The following MYPN variants were observed in gnomAD, a reference collection of about 807,000 sequenced individuals.
MYPN encodes the protein myopalladin, also known as sarcomeric protein myopalladin, 145 kDa (MYOP).
Under a neutral mutation model 129.4 loss-of-function variants are expected in MYPN, and 63 were observed. That is an observed-to-expected ratio of 0.49 (90% CI 0.40 to 0.60). The LOEUF is 0.60. Ranked by LOEUF, MYPN falls within the 20% of genes least tolerant of loss-of-function variation. The probability of loss-of-function intolerance (pLI) is 0.00; values close to 1 mark genes in which losing one functional copy is unlikely to be tolerated. For synonymous variants in MYPN, 629 were observed against 600.9 expected (o/e 1.05, Z -0.68); for missense variants, 1,596 against 1,635.4 (o/e 0.98, Z 0.42).
intron 17 of MYPN, among the ~76,000 whole-genome samples, chr10:68,200,984 A>T (rs779925873): frequency 1.1e-4 from 16 of 152,188 alleles, no homozygotes; most frequent in Non-Finnish European, 2.4e-4. Flanking sequence ...GACATGAGGT[A>T]CCTTTACCTA....
At chr10:68,139,139 G>C (rs184292712) in intron 2 of MYPN, among the ~76,000 whole-genome samples, 2 of 152,024 alleles carry the variant, frequency 1.3e-5, no homozygotes, top group Admixed American at 6.6e-5. Flanking sequence ...CCTTCATTCC[G>C]GGACATTCAC....
intron 13 of MYPN, among the ~76,000 whole-genome samples, chr10:68,193,801 A>C (rs939894834): frequency 2.8e-5 from 2 of 71,662 alleles, no homozygotes; most frequent in Non-Finnish European, 6.4e-5. Context: ...GTATGTGCAC[A>C]CACACACACA....
intron 6 of MYPN, among the ~76,000 whole-genome samples, chr10:68,153,800 T>C (rs1353907001): frequency 2.0e-5 from 3 of 152,192 alleles, no homozygotes; most frequent in Non-Finnish European, 4.4e-5. Context: ...TATTTGCATA[T>C]GTTTGTTTGG....
At position 68,122,209 on chromosome 10, in the gene MYPN, A is replaced by G; in HGVS notation, c.771A>G (p.Ser257=). 1.2e-6 allele frequency: 2 copies of G among 1,608,500 alleles called. No individual in the cohort carries two copies. The highest frequency in any genetic ancestry group is 1.7e-6 in the Non-Finnish European group (2 of 1,177,270). The change falls in exon 2 of 20, where the codon TCA becomes TCG. Residue 257 remains serine (S), a synonymous_variant. Transcript: ENST00000358913. ...ACACTACACCAGGGTCTTCCCCTTC[A>G]TCTCTGTACTATGAAGAACCTCTGG... ...GGDTTPGSSP[S]SLYYEEPLGQ... is the part of the protein sequence containing the mutation.
At position 68,130,751 on chromosome 10, in the gene MYPN, T is replaced by G. The variant is rs7070146; in HGVS notation, c.902+8411T>G. The stretch of plus-strand genomic sequence containing the variant: ...TCTTGTATTTTGTCTTCTAAAAATT[T>G]TGTAATTTTGTCTTTCACATTTAAG... On this transcript the variant is annotated intron_variant, in intron 2 of 19. Coordinates refer to ENST00000358913, the MANE Select transcript of MYPN (RefSeq NM_032578.4). 2.3e-3 allele frequency among the ~76,000 whole-genome samples: 350 copies of G among 152,330 alleles called. 5 individuals are homozygous for G. Among genetic ancestry groups the G allele is most frequent in the African/African-American group, 7.8e-3 (325 of 41,582 alleles).
At chr10:68,163,086 T>C (rs2087345) in intron 8 of MYPN, among the ~76,000 whole-genome samples, 61,331 of 151,924 alleles carry the variant, frequency 0.4, 14,215 homozygotes, top group Non-Finnish European at 0.52. Context: ...CTTGAGCACA[T>C]GAGTTAAAGA....
chr10:68,119,525 C>T (rs1023779195), intron 1 of MYPN, among the ~76,000 whole-genome samples: 6 of 152,016 alleles, frequency 3.9e-5, no homozygotes, highest in African/African-American at 1.4e-4. Context: ...ATTATCCTGT[C>T]TCAGCCTCCT....
chr10:68,133,519 G>A (rs189242471), intron 2 of MYPN, among the ~76,000 whole-genome samples: 13 of 152,100 alleles, frequency 8.5e-5, no homozygotes, highest in Admixed American at 5.9e-4. Flanking sequence ...AAGCTTCATT[G>A]GTTTCATGGT....
At chr10:68,191,004 T>C (rs920263140) in intron 13 of MYPN, among the ~76,000 whole-genome samples, 1 of 152,110 alleles carries the variant, frequency 6.6e-6, no homozygotes, top group African/African-American at 2.4e-5. Context: ...TATAAATACA[T>C]GGATTTATTT....
chr10:68,209,653 A>G (rs1272450387), intron 19 of MYPN, among the ~76,000 whole-genome samples: 1 of 138,510 alleles, frequency 7.2e-6, no homozygotes, highest in African/African-American at 2.7e-5. Flanking sequence ...CCACTCTTCC[A>G]TCTTATAGAA....
chr10:68,173,574 TTTTATTTA>T (rs10688159), intron 10 of MYPN, among the ~76,000 whole-genome samples: 18,092 of 140,610 alleles, frequency 0.13, 1,249 homozygotes, highest in African/African-American at 0.16. Context: ...CATCAAGTTA[TTTTATTTA>T]TTTATTTATT....
At chr10:68,134,693 G>C (rs954207840) in intron 2 of MYPN, among the ~76,000 whole-genome samples, 3 of 152,076 alleles carry the variant, frequency 2.0e-5, no homozygotes, top group African/African-American at 7.2e-5. Flanking sequence ...TACTCTGAAG[G>C]CTGAGGCAGG....
intron 12 of MYPN, among the ~76,000 whole-genome samples, chr10:68,183,401 G>C (rs1471474106): frequency 6.6e-6 from 1 of 152,052 alleles, no homozygotes; most frequent in African/African-American, 2.4e-5. Flanking sequence ...GGCAAAGTTT[G>C]CAAGGAGCCA....
At chr10:68,111,724 A>T (rs1432259280) in intron 1 of MYPN, among the ~76,000 whole-genome samples, 1 of 152,224 alleles carries the variant, frequency 6.6e-6, no homozygotes, top group Non-Finnish European at 1.5e-5. Flanking sequence ...CTCAGAGTTC[A>T]TGTATAACCA....
intron 13 of MYPN, among the ~76,000 whole-genome samples, chr10:68,193,727 C>T (rs2043554187): frequency 6.8e-6 from 1 of 146,682 alleles, no homozygotes; most frequent in Non-Finnish European, 1.5e-5. Context: ...CACTTTATCT[C>T]CTCTGTCTTT....
At chr10:68,165,362 G>A (rs1164290135) in intron 8 of MYPN, 1 of 422,546 alleles carries the variant, frequency 2.4e-6, no homozygotes, top group Non-Finnish European at 4.6e-6. Flanking sequence ...TGAGGTAGGA[G>A]AATCGCTTGA....
intron 2 of MYPN, among the ~76,000 whole-genome samples, chr10:68,131,389 A>AG (rs2042409425): frequency 7.2e-6 from 1 of 139,088 alleles, no homozygotes; most frequent in Non-Finnish European, 1.6e-5. Context: ...ACTGTGTCTC[A>AG]AAAAAAAAAA....
rs138301639 is a variant in MYPN at position 68,139,532 on chromosome 10, A to G, written c.903-3408A>G. On this transcript the variant is annotated intron_variant, in intron 2 of 19. Coordinates refer to ENST00000358913, the MANE Select transcript of MYPN (RefSeq NM_032578.4). ...TCAGGAGGGGAGTAAAGATAAACAT[A>G]TGTGCTCCATATGTCTTGTTTAATC... Among the ~76,000 whole-genome samples, 19 of 152,270 alleles carry G rather than the reference A, an allele frequency of 1.2e-4. No homozygotes were observed. In the East Asian group the frequency reaches 2.9e-3, roughly 23 times the overall value.
intron 2 of MYPN, among the ~76,000 whole-genome samples, chr10:68,127,541 GTCAGGCTGGTCT>G (rs1225202954): frequency 6.6e-6 from 1 of 150,660 alleles, no homozygotes; most frequent in Non-Finnish European, 1.5e-5. Flanking sequence ...CACCATGTTG[GTCAGGCTGGTCT>G]TGAACTCCTG....
Sources: allele counts gnomAD v4.1 joint callset (sites outside exome capture counted in the v4.1 genomes callset), GRCh38; gene constraint gnomAD v4.1.1; transcripts MANE v1.5; gene names NCBI Gene and HGNC (gene_info 2026-07-23, HGNC 2026-07-21).